Variants in WAC observed in about 807,000 individuals in gnomAD.
WAC encodes the protein WW domain-containing adapter protein with coiled-coil.
In WAC, 11 loss-of-function variants were observed where a neutral mutation model predicts 79.6. That is an observed-to-expected ratio of 0.14 (90% CI 0.09 to 0.23). The LOEUF is 0.23. WAC is among the 10% of genes least tolerant of loss of function. The pLI is 1.00. For missense variants in WAC, 728 were observed against 773.5 expected, an observed-to-expected ratio of 0.94 and a Z score of 0.70; for synonymous variants, 304 against 276.9, an observed-to-expected ratio of 1.10 and a Z score of -0.97.
At chr10:28,535,960 A>G (rs749224415) in intron 3 of WAC, 1 of 462,994 alleles carries the variant, frequency 2.2e-6, no homozygotes, top group Admixed American at 4.2e-5. Flanking sequence ...TGGACTCTTA[A>G]GGCCAGGCGC....
chr10:28,536,927 C>A (rs1836710296), intron 3 of WAC, among the ~76,000 whole-genome samples: 3 of 152,068 alleles, frequency 2.0e-5, no homozygotes, highest in African/African-American at 4.8e-5. Flanking sequence ...ACTTTTTGCC[C>A]CTATTGGCAG....
intron 3 of WAC, among the ~76,000 whole-genome samples, chr10:28,579,582 T>A (rs1045524819): frequency 1.3e-5 from 2 of 152,168 alleles, no homozygotes; most frequent in South Asian, 4.1e-4. Context: ...ATGTGATATT[T>A]TAAGATAGGA....
At chr10:28,572,993 C>T (rs1458900084) in intron 3 of WAC, among the ~76,000 whole-genome samples, 1 of 152,112 alleles carries the variant, frequency 6.6e-6, no homozygotes, top group African/African-American at 2.4e-5. Context: ...CACAGGTGGG[C>T]CCCCACCTAG....
intron 3 of WAC, among the ~76,000 whole-genome samples, chr10:28,558,930 A>G (rs968315507): frequency 4.6e-5 from 7 of 152,226 alleles, no homozygotes; most frequent in Non-Finnish European, 8.8e-5. Flanking sequence ...AATGACGAAT[A>G]CGGGTAGTTC....
At chr10:28,593,730 CAAA>C (rs66821014) in intron 6 of WAC, among the ~76,000 whole-genome samples, 1 of 143,494 alleles carries the variant, frequency 7.0e-6, no homozygotes, top group Non-Finnish European at 1.5e-5. Flanking sequence ...GAGACTCTCT[CAAA>C]AAAAAAAAAA....
intron 3 of WAC, among the ~76,000 whole-genome samples, chr10:28,577,437 C>T (rs750845804): frequency 3.0e-4 from 45 of 152,054 alleles, no homozygotes; most frequent in Non-Finnish European, 5.9e-4. Context: ...TAATTTTGAA[C>T]GGCTTTGTTC....
rs192790901 is a variant in WAC at position 28,618,830 on chromosome 10, C to A, written c.1875-707C>A. ...GCTCTTCTAAATGATTAATCTCTTA[C>A]ACCTGGTTAATTCTACTCTTTACTG... On this transcript the variant is annotated intron_variant, in intron 13 of 13. Coordinates refer to ENST00000354911, the MANE Select transcript of WAC (RefSeq NM_016628.5). 2.0e-4 allele frequency among the ~76,000 whole-genome samples: 30 copies of A among 152,318 alleles called. 1 individual carries two copies. In the South Asian group the frequency reaches 6.0e-3, roughly 30 times the overall value.
At position 28,622,821 on chromosome 10, in the gene WAC, A is replaced by C. The variant is rs10160179; in HGVS notation, c.*3215A>C. The stretch of plus-strand genomic sequence containing the variant: ...TCTTTGAGGGACTGTTTGAAAGGGG[A>C]GAGGGCAACGCGGGAAATAATTCAC... On this transcript the variant is annotated 3_prime_UTR_variant, in exon 14 of 14. Transcript: ENST00000354911. 2.4e-4 allele frequency: 37 copies of C among 152,176 alleles called. No individual in the cohort carries two copies. Among genetic ancestry groups the C allele is most frequent in the African/African-American group, 8.2e-4 (34 of 41,454 alleles). 9.4% of individuals were successfully genotyped at this position (152,176 alleles called of 1,614,324 possible). A position where few individuals can be genotyped will look rare whatever the true frequency, so the allele number is the denominator to read the frequency against.
At chr10:28,555,793 A>AG (rs781205252) in intron 3 of WAC, among the ~76,000 whole-genome samples, 44 of 152,158 alleles carry the variant, frequency 2.9e-4, no homozygotes, top group Non-Finnish European at 5.4e-4. Flanking sequence ...GCTTTGTAAG[A>AG]AGAGGAAAAG....
At position 28,620,550 on chromosome 10, in the gene WAC, T is replaced by C. The variant is rs974579875; in HGVS notation, c.*944T>C. The C allele has an allele frequency of 1.3e-4, 20 of 152,652 alleles. No homozygotes were observed. The highest frequency in any genetic ancestry group is 5.9e-5 in the Non-Finnish European group (4 of 68,030). 9.5% of individuals were successfully genotyped at this position (152,652 alleles called of 1,614,324 possible). ...ATGTTAAAACAAACAAAAATTGTTA[T>C]TTTTCTTTTCCTTCGGTCAGTGCAC... On this transcript the variant is annotated 3_prime_UTR_variant, in exon 14 of 14. Coordinates refer to ENST00000354911, the MANE Select transcript of WAC (RefSeq NM_016628.5).
intron 3 of WAC, among the ~76,000 whole-genome samples, chr10:28,562,667 C>T (rs893259750): frequency 2.4e-4 from 37 of 152,138 alleles, no homozygotes; most frequent in African/African-American, 8.9e-4. Context: ...AACATTTAGG[C>T]ATTTCATTCT....
Position 28,589,742 on chromosome 10 carries a change from G to T in WAC, c.388G>T (p.Asp130Tyr). Reference sequence around the variant, plus strand: ...TAAAAAATATATTTTTAAGCCTTATGATTCTGCAGATGACTGGTCTGAGCA... The same window carrying T: ...TAAAAAATATATTTTTAAGCCTTATTATTCTGCAGATGACTGGTCTGAGCA... ...NPSKTSDAPYDSADDWSEHIS... is the reference protein window; with the variant it reads ...NPSKTSDAPYYSADDWSEHIS... The change falls in exon 5 of 14, where the codon GAT becomes TAT. Residue 130 changes from aspartate (D) to tyrosine (Y), a missense_variant. By Grantham distance (160) the Asp-to-Tyr change is radical (BLOSUM62 -3). Coordinates refer to ENST00000354911, the MANE Select transcript of WAC (RefSeq NM_016628.5). 1 of 1,595,432 alleles carries T rather than the reference G, an allele frequency of 6.3e-7. No homozygotes were observed. The highest frequency in any genetic ancestry group is 1.1e-5 in the South Asian group (1 of 88,306).
intron 6 of WAC, 58 bp from the exon 7 acceptor site, chr10:28,595,675 C>CT (rs1399743567): frequency 3.3e-6 from 5 of 1,518,242 alleles, no homozygotes; most frequent in African/African-American, 1.4e-5. Flanking sequence ...CTAATGTAAT[C>CT]TTTTTTCTTC....
chr10:28,543,262 C>T (rs1253061004), intron 3 of WAC, among the ~76,000 whole-genome samples: 3 of 152,074 alleles, frequency 2.0e-5, no homozygotes, highest in African/African-American at 4.8e-5. Flanking sequence ...CAAATGCAAA[C>T]CATATGTGTA....
chr10:28,619,523 C>CTT lies in WAC; in HGVS notation c.1875-5_1875-4dup. ...ATATGTACACAGGTTCTAATGTCTG[C>CTT]TTTTTTTTTTCAGGATACTATTTTT... On this transcript the variant is annotated splice_polypyrimidine_tract_variant and intron_variant, in intron 13 of 13. Transcript: ENST00000354911. 57 of 1,334,252 alleles carry CTT rather than the reference C, an allele frequency of 4.3e-5. No homozygotes were observed. The highest frequency in any genetic ancestry group is 2.0e-4 in the Admixed American group (8 of 40,148). The allele number at this position is 1,334,252 out of a possible 1,614,324, so 82.7% of individuals were successfully genotyped here. A position where few individuals can be genotyped will look rare whatever the true frequency, so the allele number is the denominator to read the frequency against.
At chr10:28,616,116 A>G in intron 11 of WAC, 57 bp from the exon 12 acceptor site, 1 of 1,364,748 alleles carries the variant, frequency 7.3e-7, no homozygotes, top group Non-Finnish European at 9.9e-7. Context: ...AGTTTCTAGG[A>G]TAAGGATACC....
chr10:28,583,277 T>C, intron 3 of WAC, 122 bp from the exon 4 acceptor site: 1 of 679,458 alleles, frequency 1.5e-6, no homozygotes, highest in South Asian at 2.5e-5. Flanking sequence ...TATATATTCC[T>C]AATGCTTATG....
intron 7 of WAC, among the ~76,000 whole-genome samples, chr10:28,604,238 G>T (rs1225915735): frequency 8.1e-5 from 11 of 136,592 alleles, no homozygotes; most frequent in African/African-American, 1.9e-4. Flanking sequence ...ATTATCAGGT[G>T]TTTTTTTTTT....
chr10:28,592,965 C>T (rs944008297), intron 6 of WAC, among the ~76,000 whole-genome samples: 4 of 152,102 alleles, frequency 2.6e-5, no homozygotes, highest in African/African-American at 9.7e-5. Context: ...GACAAATAAT[C>T]CCCTATCAAT....
Sources: gnomAD v4.1 joint callset for allele counts (sites outside exome capture counted in the v4.1 genomes callset) on GRCh38, gnomAD v4.1.1 for gene constraint, MANE v1.5 for transcripts, NCBI Gene and HGNC (gene_info 2026-07-23, HGNC 2026-07-21) for gene names.